STS: variants seen among roughly 807,000 people sequenced by gnomAD.
The protein encoded by STS is steroid sulfatase.
A neutral mutation model predicts 26.8 loss-of-function variants in STS; 7 were observed. The ratio of observed to expected loss-of-function variants is 0.26; its 90% CI spans 0.15 to 0.49. STS has a LOEUF of 0.49. Ranked by LOEUF, STS falls within the 20% of genes least tolerant of loss-of-function variation. The pLI is 0.98. For synonymous variants in STS, 199 were observed against 189.4 expected, an observed-to-expected ratio of 1.05 and a Z score of -0.42; for missense variants, 434 against 465.6, an observed-to-expected ratio of 0.93 and a Z score of 0.63.
In STS at chrX:7,257,375, T is replaced by G. The variant is rs1260740293; in HGVS notation, c.259+12T>G. On this transcript the variant is annotated intron_variant, in intron 4 of 10. Transcript: ENST00000674429. ...CCCTGTCCGATCAGGTAACCTCCTATCTGCATCGCAGGGGCTGTGGTCACC... is the reference window on the plus strand; with the variant it reads ...CCCTGTCCGATCAGGTAACCTCCTAGCTGCATCGCAGGGGCTGTGGTCACC... 8.3e-7 allele frequency: 1 copy of G among 1,211,911 alleles called. No individual in the cohort carries two copies. The highest frequency in any genetic ancestry group is 3.0e-5 in the East Asian group (1 of 33,830).
At position 7,218,359 on chromosome X, in the gene STS, T is replaced by G. The variant is rs147659769; in HGVS notation, c.-5+27351T>G. 4.1e-3 allele frequency among the ~76,000 whole-genome samples: 462 copies of G among 112,658 alleles called. 2 individuals carry two copies. Among genetic ancestry groups the G allele is most frequent in the African/African-American group, 0.014 (435 of 31,067 alleles). On this transcript the variant is annotated intron_variant, in intron 2 of 10. Transcript: ENST00000674429. ...GTTTTTGTGTTTTATCCTCCATTCT[T>G]CATCGTATGCCCTTCAAGGAAATCT...
At chrX:7,159,994 C>T (rs778146897) in intron 1 of STS, among the ~76,000 whole-genome samples, 1 of 111,877 alleles carries the variant, frequency 8.9e-6, no homozygotes, top group African/African-American at 3.2e-5. Context: ...TTGAAGGAGA[C>T]GTACAAAGTG....
chrX:7,344,723 T>C (rs776952923), intron 10 of STS, among the ~76,000 whole-genome samples: 2 of 111,669 alleles, frequency 1.8e-5, no homozygotes, highest in African/African-American at 6.5e-5. Context: ...GGCCTCAGAG[T>C]TCCAGGTTGG....
intron 2 of STS, among the ~76,000 whole-genome samples, chrX:7,215,487 G>T (rs1450549346): frequency 9.0e-6 from 1 of 110,565 alleles, no homozygotes; most frequent in African/African-American, 3.3e-5. Context: ...TGCAGTTGTG[G>T]ATTTAGGGCT....
rs1928747257 is a variant in STS at position 7,350,442 on chromosome X, G to A, written c.*181G>A. 1 of 594,774 alleles carries A rather than the reference G, an allele frequency of 1.7e-6. No individual in the cohort carries two copies. The highest frequency in any genetic ancestry group is 2.6e-6 in the Non-Finnish European group (1 of 383,009). 49.0% of individuals were successfully genotyped at this position (594,774 alleles called of 1,213,427 possible). ...CAGCTACTCAACTGGAGGGGTGAGG[G>A]GGATAAGGTCTGTAGTATACAGACA... On this transcript the variant is annotated 3_prime_UTR_variant, in exon 11 of 11. Transcript: ENST00000674429.
intron 1 of STS, among the ~76,000 whole-genome samples, chrX:7,189,490 C>T (rs1933834324): frequency 8.9e-6 from 1 of 112,272 alleles, no homozygotes; most frequent in African/African-American, 3.2e-5. Context: ...GGAGTGGAGG[C>T]AGCTGTGTTC....
intron 2 of STS, among the ~76,000 whole-genome samples, chrX:7,231,669 A>G (rs958588874): frequency 1.8e-5 from 2 of 111,045 alleles, no homozygotes; most frequent in African/African-American, 3.3e-5. Flanking sequence ...TCTCACTGCA[A>G]CCTTGGCATT....
Position 7,153,851 on chromosome X carries a change from T to C in STS, c.-134+5768T>C, listed in dbSNP as rs1239587299. On this transcript the variant is annotated intron_variant, in intron 1 of 10. Transcript: ENST00000674429. ...CTTCCTTCCCTTCCTTTCCTCCTTC[T>C]CTCTTTTCCTGTCTTCCTTCCTTCC... 2.0e-5 allele frequency among the ~76,000 whole-genome samples: 2 copies of C among 101,049 alleles called. 1 individual carries two copies. Among genetic ancestry groups the C allele is most frequent in the Non-Finnish European group, 4.0e-5 (2 of 49,708 alleles). 87.7% of individuals were successfully genotyped at this position (101,049 alleles called of 115,157 possible). A position where few individuals can be genotyped will look rare whatever the true frequency, so the allele number is the denominator to read the frequency against.
chrX:7,173,670 T>C (rs780552597), intron 1 of STS, among the ~76,000 whole-genome samples: 4 of 112,632 alleles, frequency 3.6e-5, no homozygotes, highest in Non-Finnish European at 5.6e-5. Flanking sequence ...GTGGTTTTGA[T>C]TTGCATTTCT....
In STS at chrX:7,279,311, A is replaced by G. The variant is rs532043044; in HGVS notation, c.943+3224A>G. On this transcript the variant is annotated intron_variant, in intron 7 of 10. Coordinates refer to ENST00000674429, the MANE Select transcript of STS (RefSeq NM_001320752.2). Reference sequence around the variant, plus strand: ...AAAAAAAATATATATATATATATATATGTGTGTGTGTGTGTGTGTGTGTGT... The same window carrying G: ...AAAAAAAATATATATATATATATATGTGTGTGTGTGTGTGTGTGTGTGTGT... Among the ~76,000 whole-genome samples the G allele has an allele frequency of 6.9e-3, 542 of 78,081 alleles. 9 individuals are homozygous for G. The highest frequency in any genetic ancestry group is 0.015 in the African/African-American group (269 of 18,150). The allele number at this position is 78,081 out of a possible 115,157, so 67.8% of individuals were successfully genotyped here.
intron 8 of STS, among the ~76,000 whole-genome samples, chrX:7,320,065 T>TTATATA (rs1926938216): frequency 1.1e-5 from 1 of 89,330 alleles, no homozygotes; most frequent in Non-Finnish European, 2.2e-5. Flanking sequence ...ATATATATAT[T>TTATATA]TTATATATAT....
chrX:7,354,497 G>T lies in STS; in HGVS notation c.*4236G>T, dbSNP rs1226625120. 1 of 111,749 alleles carries T rather than the reference G, an allele frequency of 8.9e-6. No individual in the cohort carries two copies. The highest frequency in any genetic ancestry group is 3.3e-5 in the African/African-American group (1 of 30,720). 9.2% of individuals were successfully genotyped at this position (111,749 alleles called of 1,213,427 possible). ...ACAGCATGACTGTGCAGGGTCTTTA[G>T]AGCTCAGCTTTCTGAGGCCCTGAGC... On this transcript the variant is annotated 3_prime_UTR_variant, in exon 11 of 11. Transcript: ENST00000674429.
intron 2 of STS, among the ~76,000 whole-genome samples, chrX:7,204,200 C>G (rs752557127): frequency 9.0e-6 from 1 of 111,606 alleles, no homozygotes; most frequent in Non-Finnish European, 1.9e-5. Flanking sequence ...CTTCAAAAAT[C>G]GAGAATATTC....
intron 2 of STS, among the ~76,000 whole-genome samples, chrX:7,231,834 CTTTT>C (rs35306364): frequency 2.3e-4 from 20 of 87,121 alleles, no homozygotes; most frequent in Non-Finnish European, 2.2e-5. Flanking sequence ...AATAAATCTG[CTTTT>C]TTTTTTTTTT....
At chrX:7,153,797 GTCC>G (rs1489746687) in intron 1 of STS, among the ~76,000 whole-genome samples, 1 of 77,695 alleles carries the variant, frequency 1.3e-5, no homozygotes, top group Non-Finnish European at 2.4e-5. Flanking sequence ...CTTCCTTCCT[GTCC>G]TCCTCCTCAA....
At chrX:7,195,500 G>A (rs1312698537) in intron 2 of STS, among the ~76,000 whole-genome samples, 1 of 112,284 alleles carries the variant, frequency 8.9e-6, no homozygotes, top group Non-Finnish European at 1.9e-5. Context: ...GCACACCCTG[G>A]CTTCAGAATT....
In STS at chrX:7,175,470, G is replaced by A. The variant is rs144957182; in HGVS notation, c.-133-15410G>A. Among the ~76,000 whole-genome samples the A allele has an allele frequency of 6.1e-3, 638 of 105,281 alleles. 7 individuals carry two copies. Among genetic ancestry groups the A allele is most frequent in the African/African-American group, 0.021 (600 of 28,605 alleles). 91.4% of individuals were successfully genotyped at this position (105,281 alleles called of 115,157 possible). ...GATCATGCCACTGGACTCCAGCCTA[G>A]GAGACAGAGTGAGACCTGGTCTCAA... is the stretch of plus-strand genomic sequence containing the variant. On this transcript the variant is annotated intron_variant, in intron 1 of 10. Coordinates refer to ENST00000674429, the MANE Select transcript of STS (RefSeq NM_001320752.2).
intron 8 of STS, among the ~76,000 whole-genome samples, chrX:7,305,852 C>T (rs1277781754): frequency 1.8e-5 from 2 of 112,065 alleles, no homozygotes; most frequent in Admixed American, 9.5e-5. Flanking sequence ...GATAATCCCA[C>T]ATCATCTTCC....
chrX:7,307,458 T>A (rs1926274451), intron 8 of STS, among the ~76,000 whole-genome samples: 1 of 111,372 alleles, frequency 9.0e-6, no homozygotes, highest in African/African-American at 3.3e-5. Flanking sequence ...TCCAAGCAAG[T>A]AGAATGAGGC....
Sources: allele counts gnomAD v4.1 joint callset (sites outside exome capture counted in the v4.1 genomes callset), GRCh38; gene constraint gnomAD v4.1.1; transcripts MANE v1.5; gene names NCBI Gene and HGNC (gene_info 2026-07-23, HGNC 2026-07-21).